SLIT3: variants seen among roughly 807,000 people sequenced by gnomAD.
SLIT3 encodes the protein slit guidance ligand 3, also known as slit homolog 3 protein.
Under a neutral mutation model 184.0 loss-of-function variants are expected in SLIT3, and 68 were observed. That is an observed-to-expected ratio of 0.37 (90% CI 0.30 to 0.45). The LOEUF (loss-of-function observed/expected upper bound fraction) is 0.45, where lower values mean the gene tolerates loss of function less well. Ranked by LOEUF, SLIT3 falls within the 20% of genes least tolerant of loss-of-function variation. The pLI, the probability that SLIT3 is intolerant of heterozygous loss-of-function variation, is 1.00. For synonymous variants in SLIT3, 831 were observed against 828.6 expected (o/e 1.00, Z -0.05); for missense variants, 1,707 against 2,026.0 (o/e 0.84, Z 3.02).
chr5:168,975,583 A>G (rs1223531265), intron 4 of SLIT3, among the ~76,000 whole-genome samples: 1 of 152,130 alleles, frequency 6.6e-6, no homozygotes, highest in East Asian at 1.9e-4. Context: ...GCACACACCC[A>G]CAGGATGCAG....
At chr5:168,760,645 C>T (rs761635030) in intron 16 of SLIT3, among the ~76,000 whole-genome samples, 1 of 152,036 alleles carries the variant, frequency 6.6e-6, no homozygotes, top group Non-Finnish European at 1.5e-5. Flanking sequence ...GTGGAATGCT[C>T]GCTCTGTATA....
chr5:168,992,160 T>A (rs1056745227), intron 4 of SLIT3, among the ~76,000 whole-genome samples: 1 of 152,176 alleles, frequency 6.6e-6, no homozygotes, highest in Non-Finnish European at 1.5e-5. Context: ...CCTTCTGTGT[T>A]TGAGAAGCTG....
chr5:169,051,575 T>C (rs149837394), intron 4 of SLIT3, among the ~76,000 whole-genome samples: 1 of 152,310 alleles, frequency 6.6e-6, no homozygotes, highest in East Asian at 1.9e-4. Context: ...TTAAAAGGGA[T>C]CCCACTGTTT....
chr5:169,046,861 G>A (rs893346578), intron 4 of SLIT3, among the ~76,000 whole-genome samples: 7 of 152,076 alleles, frequency 4.6e-5, no homozygotes, highest in Non-Finnish European at 8.8e-5. Flanking sequence ...CTGCTCCAGA[G>A]CCCTCTCTCC....
chr5:168,828,947 G>A (rs1757793808), intron 6 of SLIT3, among the ~76,000 whole-genome samples: 1 of 152,174 alleles, frequency 6.6e-6, no homozygotes, highest in South Asian at 2.1e-4. Flanking sequence ...TCTGGGGCAG[G>A]CGTGGTGTTT....
chr5:168,834,636 G>A (rs1757983174), intron 6 of SLIT3, among the ~76,000 whole-genome samples: 1 of 130,562 alleles, frequency 7.7e-6, no homozygotes, highest in Non-Finnish European at 1.6e-5. Flanking sequence ...GCAGTGAGCT[G>A]AGATCATGCC....
intron 4 of SLIT3, among the ~76,000 whole-genome samples, chr5:169,074,932 T>C (rs916563868): frequency 3.9e-5 from 6 of 152,284 alleles, no homozygotes; most frequent in East Asian, 1.9e-4. Flanking sequence ...AGGTGCACTC[T>C]GGAAATGTCA....
At chr5:168,772,741 C>G in intron 14 of SLIT3, 40 bp downstream of exon 14, 2 of 1,612,388 alleles carry the variant, frequency 1.2e-6, no homozygotes, top group Non-Finnish European at 1.7e-6. Flanking sequence ...CTGCTGCATT[C>G]TGAGTCAGAA....
intron 1 of SLIT3, among the ~76,000 whole-genome samples, chr5:169,264,664 C>T (rs1159012680): frequency 6.6e-6 from 1 of 152,208 alleles, no homozygotes; most frequent in Non-Finnish European, 1.5e-5. Context: ...CCTACCAGGT[C>T]AAGGAGAGCA....
chr5:169,256,075 T>A (rs903447167), intron 1 of SLIT3, among the ~76,000 whole-genome samples: 2 of 152,222 alleles, frequency 1.3e-5, no homozygotes, highest in African/African-American at 4.8e-5. Context: ...GCTCCATTCA[T>A]GGTAAGTACC....
At chr5:169,088,643 T>A (rs908934614) in intron 4 of SLIT3, among the ~76,000 whole-genome samples, 2 of 152,054 alleles carry the variant, frequency 1.3e-5, no homozygotes, top group Non-Finnish European at 2.9e-5. Context: ...GAGAATCAGA[T>A]TGAGCACTGG....
intron 4 of SLIT3, among the ~76,000 whole-genome samples, chr5:169,055,340 T>G (rs1172679874): frequency 1.3e-5 from 2 of 152,178 alleles, no homozygotes; most frequent in Non-Finnish European, 2.9e-5. Context: ...AACACAGTAA[T>G]ACAACAGAGA....
chr5:168,971,217 TTCAGCG>T (rs1483174651), intron 4 of SLIT3, among the ~76,000 whole-genome samples: 2 of 152,276 alleles, frequency 1.3e-5, no homozygotes, highest in African/African-American at 4.8e-5. Flanking sequence ...TATCATCATC[TTCAGCG>T]TCACCATGCA....
intron 4 of SLIT3, among the ~76,000 whole-genome samples, chr5:169,063,920 G>A (rs543145370): frequency 4.6e-5 from 7 of 152,252 alleles, no homozygotes; most frequent in African/African-American, 7.2e-5. Flanking sequence ...CACAAATGCC[G>A]TATTTATGCA....
At chr5:169,277,347 C>T (rs569587198) in intron 1 of SLIT3, among the ~76,000 whole-genome samples, 8 of 152,332 alleles carry the variant, frequency 5.3e-5, no homozygotes, top group African/African-American at 1.9e-4. Context: ...CCTCCCACCT[C>T]AGCACCCTGG....
chr5:168,927,247 C>T (rs1761858667), intron 4 of SLIT3, among the ~76,000 whole-genome samples: 1 of 152,138 alleles, frequency 6.6e-6, no homozygotes, highest in Non-Finnish European at 1.5e-5. Flanking sequence ...GAACGTTATG[C>T]CAAGTGAAAT....
intron 4 of SLIT3, among the ~76,000 whole-genome samples, chr5:169,149,908 C>T (rs1046528827): frequency 3.9e-5 from 6 of 152,186 alleles, no homozygotes; most frequent in African/African-American, 1.4e-4. Context: ...ATGCCAGGAA[C>T]TATGCCAAGT....
At chr5:169,152,076 G>A (rs1413990641) in intron 4 of SLIT3, among the ~76,000 whole-genome samples, 1 of 152,174 alleles carries the variant, frequency 6.6e-6, no homozygotes, top group Non-Finnish European at 1.5e-5. Flanking sequence ...TGGCTGAAAG[G>A]TTAGTAGATG....
At chr5:169,103,366 A>G (rs573984878) in intron 4 of SLIT3, among the ~76,000 whole-genome samples, 1 of 152,294 alleles carries the variant, frequency 6.6e-6, no homozygotes, top group South Asian at 2.1e-4. Context: ...CTCTGGAGTT[A>G]CAGCCTCTGA....
Sources: allele counts gnomAD v4.1 joint callset (sites outside exome capture counted in the v4.1 genomes callset), GRCh38; gene constraint gnomAD v4.1.1; transcripts MANE v1.5; gene names NCBI Gene and HGNC (gene_info 2026-07-23, HGNC 2026-07-21).